The following NCOR1 variants were observed in gnomAD, a reference collection of about 807,000 sequenced individuals.
NCOR1 encodes the protein protein phosphatase 1, regulatory subunit 109.
Under a neutral mutation model 288.1 loss-of-function variants are expected in NCOR1, and 63 were observed. That is an observed-to-expected ratio of 0.22 (90% confidence interval 0.18 to 0.27). The LOEUF is 0.27. Among genes scored for constraint, NCOR1 ranks in the 10% least tolerant of loss-of-function variants. NCOR1 has a pLI of 1.00. For synonymous variants in NCOR1, 1,007 were observed against 1,065.9 expected (o/e 0.94, Z 1.08); for missense variants, 2,397 against 3,019.2 (o/e 0.79, Z 4.83).
In NCOR1 at chr17:16,070,511, C is replaced by T. The variant is rs781628395; in HGVS notation, c.4167G>A (p.Lys1389=). ...EGSISQGTPI[K]FDNNSGQSAI... is the part of the protein sequence containing the mutation. ...CAGATTGACCTGAGTTGTTGTCAAACTTTATTGGTGTGCCCTAAAGGGAAA... is the reference window on the plus strand; with the variant it reads ...CAGATTGACCTGAGTTGTTGTCAAATTTTATTGGTGTGCCCTAAAGGGAAA... The change falls in exon 31 of 46, where the codon AAG becomes AAA. Residue 1389 remains lysine (K), a synonymous_variant. Transcript: ENST00000268712. 1.9e-6 allele frequency: 3 copies of T among 1,613,778 alleles called. No homozygotes were observed. The highest frequency in any genetic ancestry group is 3.3e-5 in the Admixed American group (2 of 60,006).
chr17:16,127,773 A>G lies in NCOR1; in HGVS notation c.1510-1567T>C, dbSNP rs1415159800. Among the ~76,000 whole-genome samples, 3 of 150,476 alleles carry G rather than the reference A, an allele frequency of 2.0e-5. No individual in the cohort carries two copies. The East Asian group carries it at 5.8e-4, about 29-fold the overall frequency. On this transcript the variant is annotated intron_variant, in intron 14 of 45. Transcript: ENST00000268712. ...TATATATATATATCTCTCATAGTAT[A>G]TTAGGGTTCGGTACTATCTGTGGTT...
intron 8 of NCOR1, among the ~76,000 whole-genome samples, chr17:16,149,973 T>TTTAA (rs2078601019): frequency 1.3e-5 from 2 of 152,156 alleles, no homozygotes; most frequent in Admixed American, 1.3e-4. Context: ...TGACTTCTGC[T>TTTAA]TTAAACAGAA....
chr17:16,098,596 CACACATGG>C (rs1165955196), intron 20 of NCOR1, 100 bp from the exon 21 acceptor site: 212 of 950,302 alleles, frequency 2.2e-4, no homozygotes, highest in African/African-American at 7.3e-4. Flanking sequence ...CATACACATG[CACACATGG>C]ACACATGGAC....
intron 6 of NCOR1, among the ~76,000 whole-genome samples, chr17:16,156,366 G>C (rs1448068058): frequency 6.6e-6 from 1 of 151,740 alleles, no homozygotes; most frequent in Admixed American, 6.6e-5. Context: ...AACCTGGGAG[G>C]TGGAGGTTGC....
At chr17:16,088,737 A>T (rs2064664939) in intron 22 of NCOR1, among the ~76,000 whole-genome samples, 1 of 152,172 alleles carries the variant, frequency 6.6e-6, no homozygotes, top group Non-Finnish European at 1.5e-5. Context: ...CAGATGAGGA[A>T]ACTGAGGCTC....
intron 45 of NCOR1, among the ~76,000 whole-genome samples, chr17:16,033,149 C>T (rs1972639788): frequency 1.3e-5 from 2 of 152,002 alleles, no homozygotes; most frequent in African/African-American, 4.8e-5. Flanking sequence ...AGTTCAAGAC[C>T]AGCCTGACCA....
intron 23 of NCOR1, 93 bp from the exon 24 acceptor site, chr17:16,080,820 TAAAAAA>T: frequency 1.1e-6 from 1 of 927,498 alleles, no homozygotes; most frequent in African/African-American, 1.8e-5. Flanking sequence ...CATTTCTGTT[TAAAAAA>T]AAAAAAAATT....
intron 32 of NCOR1, among the ~76,000 whole-genome samples, chr17:16,067,473 GA>G (rs1316989512): frequency 1.3e-5 from 2 of 152,180 alleles, no homozygotes; most frequent in African/African-American, 4.8e-5. Context: ...TTAAAAAAAA[GA>G]ATTTCTTTTA....
intron 21 of NCOR1, among the ~76,000 whole-genome samples, chr17:16,094,737 G>A (rs867340609): frequency 5.3e-5 from 8 of 152,312 alleles, no homozygotes; most frequent in East Asian, 1.9e-4. Context: ...ACTGGTTTTC[G>A]TATTTTTTTG....
intron 20 of NCOR1, chr17:16,098,788 G>A (rs1018006455): frequency 1.6e-5 from 3 of 192,102 alleles, no homozygotes; most frequent in Admixed American, 6.0e-5. Flanking sequence ...ATGCAAATTT[G>A]CAAAGCATTT....
chr17:16,147,565 C>T (rs2078186543), intron 9 of NCOR1, among the ~76,000 whole-genome samples: 1 of 152,174 alleles, frequency 6.6e-6, no homozygotes. Context: ...GACACATGGA[C>T]AGAGGAAAGT....
In NCOR1 at chr17:16,127,421, A is replaced by ACG. The variant is rs1491137130; in HGVS notation, c.1510-1216_1510-1215insCG. Among the ~76,000 whole-genome samples, 10 of 25,930 alleles carry ACG rather than the reference A, an allele frequency of 3.9e-4. 2 individuals are homozygous for ACG. Among genetic ancestry groups the ACG allele is most frequent in the Non-Finnish European group, 7.1e-4 (9 of 12,688 alleles). The allele number at this position is 25,930 out of a possible 152,430, so 17.0% of individuals were successfully genotyped here. A position where few individuals can be genotyped will look rare whatever the true frequency, so the allele number is the denominator to read the frequency against. Reference sequence around the variant, plus strand: ...TGTGTATATGTGTATGTATATATACATGTGTATATGTGTATGTATATATGT... The same window carrying ACG: ...TGTGTATATGTGTATGTATATATACACGTGTGTATATGTGTATGTATATATGT... On this transcript the variant is annotated intron_variant, in intron 14 of 45. Coordinates refer to ENST00000268712, the MANE Select transcript of NCOR1 (RefSeq NM_006311.4).
At chr17:16,171,411 A>G (rs1334956278) in intron 4 of NCOR1, among the ~76,000 whole-genome samples, 2 of 152,186 alleles carry the variant, frequency 1.3e-5, no homozygotes, top group African/African-American at 4.8e-5. Context: ...TTTCTCCCAT[A>G]TAGCAGTTAA....
chr17:16,210,931 T>A (rs185185200), intron 1 of NCOR1, among the ~76,000 whole-genome samples: 3 of 152,092 alleles, frequency 2.0e-5, no homozygotes, highest in Non-Finnish European at 2.9e-5. Flanking sequence ...CAGGGTTTCA[T>A]CATGTTGGCC....
intron 28 of NCOR1, among the ~76,000 whole-genome samples, chr17:16,073,064 C>A (rs2061954000): frequency 1.3e-5 from 2 of 152,234 alleles, no homozygotes; most frequent in Admixed American, 1.3e-4. Context: ...ACCACTTTAT[C>A]TGTCTCACAA....
intron 41 of NCOR1, among the ~76,000 whole-genome samples, 167 bp downstream of exon 41, chr17:16,048,678 A>T (rs938717569): frequency 6.6e-6 from 1 of 152,190 alleles, no homozygotes; most frequent in Non-Finnish European, 1.5e-5. Flanking sequence ...CTTTTTGCTA[A>T]AATACACTAG....
intron 3 of NCOR1, among the ~76,000 whole-genome samples, chr17:16,177,458 A>G (rs1035324049): frequency 2.0e-5 from 3 of 151,966 alleles, no homozygotes; most frequent in Admixed American, 2.0e-4. Flanking sequence ...GCTCAGGTAC[A>G]TTGTGGCAGC....
At chr17:16,115,123 C>G (rs1190496349) in intron 18 of NCOR1, among the ~76,000 whole-genome samples, 2 of 152,206 alleles carry the variant, frequency 1.3e-5, no homozygotes, top group Admixed American at 1.3e-4. Context: ...GCTGCAAAGG[C>G]TTGGGGCTTG....
intron 10 of NCOR1, 50 bp downstream of exon 10, chr17:16,146,326 A>G (rs2078000231): frequency 1.3e-6 from 2 of 1,514,924 alleles, no homozygotes; most frequent in African/African-American, 1.4e-5. Context: ...AAAAGAAACA[A>G]TAAATATTTG....
Sources: allele counts gnomAD v4.1 joint callset (sites outside exome capture counted in the v4.1 genomes callset), GRCh38; gene constraint gnomAD v4.1.1; transcripts MANE v1.5; gene names NCBI Gene and HGNC (gene_info 2026-07-23, HGNC 2026-07-21).